Variants in TPH2 observed in about 807,000 individuals in gnomAD.
TPH2 encodes the protein tryptophan hydroxylase 2, also known as tryptophan 5-hydroxylase 2.
In TPH2, 27 loss-of-function variants were observed where a neutral mutation model predicts 59.1. The observed-to-expected ratio is 0.46, with a 90% CI of 0.34 to 0.63. The LOEUF (loss-of-function observed/expected upper bound fraction) is 0.63, where lower values mean the gene tolerates loss of function less well. TPH2 is among the 30% of genes least tolerant of loss of function. TPH2 has a pLI of 0.01. For missense variants in TPH2, 523 were observed against 588.3 expected, an observed-to-expected ratio of 0.89 and a Z score of 1.15; for synonymous variants, 220 against 210.5, an observed-to-expected ratio of 1.05 and a Z score of -0.39.
chr12:71,958,128 C>T (rs1871564457), intron 5 of TPH2, among the ~76,000 whole-genome samples: 1 of 152,236 alleles, frequency 6.6e-6, no homozygotes, highest in South Asian at 2.1e-4. Context: ...GCTGATTGTG[C>T]CACTTGCATG....
chr12:72,001,251 C>T (rs2139227602), intron 8 of TPH2, among the ~76,000 whole-genome samples: 1 of 152,176 alleles, frequency 6.6e-6, no homozygotes, highest in South Asian at 2.1e-4. Context: ...TACTGGATCT[C>T]AGTAATGCTG....
At chr12:71,979,264 T>C (rs913023240) in intron 7 of TPH2, among the ~76,000 whole-genome samples, 177 bp downstream of exon 7, 3 of 152,166 alleles carry the variant, frequency 2.0e-5, no homozygotes, top group Admixed American at 2.0e-4. Flanking sequence ...CTCATCTGGG[T>C]CCGTGGGGGC....
chr12:72,013,518 T>A (rs564923412), intron 8 of TPH2, among the ~76,000 whole-genome samples: 3 of 152,196 alleles, frequency 2.0e-5, no homozygotes, highest in South Asian at 4.1e-4. Context: ...TTCCAATAAC[T>A]TCTCTTCTTG....
chr12:71,977,794 C>G (rs1420670614), intron 6 of TPH2, among the ~76,000 whole-genome samples: 1 of 152,108 alleles, frequency 6.6e-6, no homozygotes, highest in Non-Finnish European at 1.5e-5. Context: ...AAGTTATACA[C>G]CTTAAATATA....
rs138558857 is a variant in TPH2 at position 71,952,367 on chromosome 12, T to C, written c.608+2712T>C. Among the ~76,000 whole-genome samples, 135 of 152,204 alleles carry C rather than the reference T, an allele frequency of 8.9e-4. 4 individuals carry two copies. The East Asian group carries it at 0.014, about 16-fold the overall frequency. On this transcript the variant is annotated intron_variant, in intron 5 of 10. Coordinates refer to ENST00000333850, the MANE Select transcript of TPH2 (RefSeq NM_173353.4). ...AGGATCTGGTCCCAGTTTGGAGGGCTGGGAAGTGCTAAGGTTCAAGGGGCC... is the reference window on the plus strand; with the variant it reads ...AGGATCTGGTCCCAGTTTGGAGGGCCGGGAAGTGCTAAGGTTCAAGGGGCC...
chr12:71,944,384 A>G lies in TPH2; in HGVS notation c.346A>G (p.Lys116Glu), dbSNP rs746919519. ...VEIFVDCECG[K>E]TEFNELIQLL... ...AATCTTTGTGGACTGTGAGTGTGGG[A>G]AAACAGAATTCAATGAGCTCATTCA... The change falls in exon 3 of 11, where the codon AAA (lysine) becomes GAA (glutamate). Residue 116 changes from lysine (K) to glutamate (E), a missense_variant. Transcript: ENST00000333850. The G allele has an allele frequency of 6.2e-7, 1 of 1,613,952 alleles. No homozygotes were observed. Among genetic ancestry groups the G allele is most frequent in the Non-Finnish European group, 8.5e-7 (1 of 1,179,874 alleles).
At chr12:71,970,218 C>T (rs1871935529) in intron 5 of TPH2, among the ~76,000 whole-genome samples, 2 of 152,004 alleles carry the variant, frequency 1.3e-5, no homozygotes, top group East Asian at 1.9e-4. Flanking sequence ...GACCGGAGGC[C>T]GACTTACTTG....
chr12:71,950,802 C>T (rs779226983), intron 5 of TPH2, among the ~76,000 whole-genome samples: 3 of 152,088 alleles, frequency 2.0e-5, no homozygotes, highest in African/African-American at 4.8e-5. Flanking sequence ...TATAGAGGGT[C>T]TCAGTGTGGG....
rs1054324661 is a variant in TPH2, at chr12:72,031,756, T to C, written c.*61T>C. ...TGGGGCTTAGCAGCAGTTCAGTCAA[T>C]GTCATATAACGCAAATAACCTTCTG... On this transcript the variant is annotated 3_prime_UTR_variant, in exon 11 of 11. Coordinates refer to ENST00000333850, the MANE Select transcript of TPH2 (RefSeq NM_173353.4). 6.9e-6 allele frequency: 11 copies of C among 1,597,164 alleles called. No individual in the cohort carries two copies. Among genetic ancestry groups the C allele is most frequent in the African/African-American group, 1.3e-5 (1 of 74,520 alleles).
At chr12:71,941,035 T>C (rs1400178673) in intron 1 of TPH2, among the ~76,000 whole-genome samples, 1 of 152,234 alleles carries the variant, frequency 6.6e-6, no homozygotes, top group Non-Finnish European at 1.5e-5. Flanking sequence ...CAGATTCACA[T>C]TGACAATGTG....
At chr12:71,953,512 C>T (rs1871410673) in intron 5 of TPH2, among the ~76,000 whole-genome samples, 1 of 152,126 alleles carries the variant, frequency 6.6e-6, no homozygotes, top group South Asian at 2.1e-4. Flanking sequence ...TAAGGTTTCC[C>T]TTCAGTTTAT....
rs1870972211 is a variant in TPH2 at position 71,938,892 on chromosome 12, G to C, written c.-95G>C. 2.8e-6 allele frequency: 3 copies of C among 1,053,916 alleles called. No individual in the cohort carries two copies. Among genetic ancestry groups the C allele is most frequent in the African/African-American group, 1.6e-5 (1 of 64,124 alleles). 65.3% of individuals were successfully genotyped at this position (1,053,916 alleles called of 1,614,324 possible). A position where few individuals can be genotyped will look rare whatever the true frequency, so the allele number is the denominator to read the frequency against. The stretch of plus-strand genomic sequence containing the variant: ...TTCTGGACAGCGCCCCAAGCAGGCA[G>C]CTGATCGCACGCCCCTTCCTCTCAA... On this transcript the variant is annotated 5_prime_UTR_variant, in exon 1 of 11. Coordinates refer to ENST00000333850, the MANE Select transcript of TPH2 (RefSeq NM_173353.4).
chr12:71,994,644 T>C lies in TPH2; in HGVS notation c.1068+79T>C, dbSNP rs41317124. On this transcript the variant is annotated intron_variant, in intron 8 of 10. Coordinates refer to ENST00000333850, the MANE Select transcript of TPH2 (RefSeq NM_173353.4). ...AAGAAAGCTTCAGGATTATTGACTA[T>C]GAGTTATAGGTAAATGTTCTGGAGA... 15,417 of 1,552,478 alleles carry C rather than the reference T, an allele frequency of 9.9e-3. 1,334 individuals carry two copies. In the African/African-American group the frequency reaches 0.18, roughly 18 times the overall value.
rs186479476 is a variant in TPH2 at position 71,962,147 on chromosome 12, T to C, written c.609-10372T>C. 8.1e-6 allele frequency: 8 copies of C among 988,754 alleles called. No individual in the cohort carries two copies. In the African/African-American group the frequency reaches 1.2e-4, roughly 15 times the overall value. The allele number at this position is 988,754 out of a possible 1,614,324, so 61.2% of individuals were successfully genotyped here. ...CAGTCGTGGGGCTCCTAACCTCCTC[T>C]ACAGATGAGTCCCCGTCAAGCCACG... On this transcript the variant is annotated intron_variant, in intron 5 of 10. Transcript: ENST00000333850.
In TPH2 at chr12:71,972,535, A is replaced by C; in HGVS notation, c.625A>C (p.Arg209=). Residue 209 remains arginine (R), a synonymous_variant, in exon 6 of 11, where the codon AGG becomes CGG. Coordinates refer to ENST00000333850, the MANE Select transcript of TPH2 (RefSeq NM_173353.4). ...MGYKYGQPIP[R]VEYTEEETKT... ...CCTGCCTAGTGGTCAGCCCATTCCC[A>C]GGGTGGAGTATACTGAAGAAGAAAC... 6.2e-7 allele frequency: 1 copy of C among 1,614,156 alleles called. No individual in the cohort carries two copies. The highest frequency in any genetic ancestry group is 8.5e-7 in the Non-Finnish European group (1 of 1,180,014).
chr12:71,956,752 G>A (rs1871518981), intron 5 of TPH2, among the ~76,000 whole-genome samples: 1 of 151,996 alleles, frequency 6.6e-6, no homozygotes, highest in African/African-American at 2.4e-5. Context: ...TGGGACCACA[G>A]GTGCATGCCA....
chr12:71,981,872 G>T (rs951629394), intron 7 of TPH2, among the ~76,000 whole-genome samples: 3 of 151,970 alleles, frequency 2.0e-5, no homozygotes, highest in Non-Finnish European at 4.4e-5. Context: ...ACCCACAATA[G>T]ATTTGAGTAG....
At chr12:71,941,453 A>G (rs1592856776) in intron 1 of TPH2, 131 bp from the exon 2 acceptor site, 2 of 1,141,618 alleles carry the variant, frequency 1.8e-6, no homozygotes, top group Non-Finnish European at 2.5e-6. Flanking sequence ...TGACACGGCA[A>G]CTTCACCTTA....
chr12:71,985,074 A>T (rs1592398621), intron 7 of TPH2, among the ~76,000 whole-genome samples: 1 of 152,222 alleles, frequency 6.6e-6, no homozygotes, highest in Non-Finnish European at 1.5e-5. Flanking sequence ...ACACTATTTT[A>T]AGTGTAATGT....
Sources: allele counts gnomAD v4.1 joint callset (sites outside exome capture counted in the v4.1 genomes callset), GRCh38; gene constraint gnomAD v4.1.1; transcripts MANE v1.5; gene names NCBI Gene and HGNC (gene_info 2026-07-23, HGNC 2026-07-21).